The following OPRD1 variants were observed in gnomAD, a reference collection of about 807,000 sequenced individuals.
The protein encoded by OPRD1 is opioid receptor delta 1, also known as delta-type opioid receptor.
In OPRD1, 19 loss-of-function variants were observed where a neutral mutation model predicts 17.5. That is an observed-to-expected ratio of 1.09 (90% CI 0.76 to 1.60). The LOEUF (loss-of-function observed/expected upper bound fraction) is 1.60, where lower values mean the gene tolerates loss of function less well. OPRD1 is among the 40% of genes most tolerant of loss of function. The probability of loss-of-function intolerance (pLI) is 0.00; values close to 1 mark genes in which losing one functional copy is unlikely to be tolerated. For synonymous variants in OPRD1, 256 were observed against 240.9 expected (o/e 1.06, Z -0.58); for missense variants, 483 against 547.2 (o/e 0.88, Z 1.17).
At chr1:28,815,862 G>A (rs1401938834) in intron 1 of OPRD1, among the ~76,000 whole-genome samples, 2 of 152,164 alleles carry the variant, frequency 1.3e-5, no homozygotes, top group Admixed American at 1.3e-4. Flanking sequence ...AGACCCTTGG[G>A]GAAGGAAAGC....
At chr1:28,854,506 C>T (rs1055410444) in intron 1 of OPRD1, among the ~76,000 whole-genome samples, 24 of 152,180 alleles carry the variant, frequency 1.6e-4, no homozygotes, top group African/African-American at 2.9e-4. Context: ...CAGGCGTGAG[C>T]CACCATACCT....
chr1:28,853,653 G>C (rs955751578), intron 1 of OPRD1, among the ~76,000 whole-genome samples: 3 of 152,154 alleles, frequency 2.0e-5, no homozygotes, highest in Non-Finnish European at 2.9e-5. Context: ...AGAGAGCAAG[G>C]ATGGGTAGAG....
At chr1:28,857,950 G>A (rs2089072041) in intron 1 of OPRD1, among the ~76,000 whole-genome samples, 1 of 151,306 alleles carries the variant, frequency 6.6e-6, no homozygotes, top group African/African-American at 2.4e-5. Flanking sequence ...GCACCACTAC[G>A]CCCAGCTAAT....
intron 1 of OPRD1, among the ~76,000 whole-genome samples, chr1:28,846,913 TTC>T (rs1460312117): frequency 1.3e-5 from 2 of 148,542 alleles, no homozygotes; most frequent in East Asian, 2.0e-4. Flanking sequence ...TTCTTTTTCT[TTC>T]TTTCTTTCTT....
In OPRD1 at chr1:28,812,517, C is replaced by G; in HGVS notation, c.134C>G (p.Ser45Cys). 2 of 1,578,346 alleles carry G rather than the reference C, an allele frequency of 1.3e-6. No homozygotes were observed. Among genetic ancestry groups the G allele is most frequent in the Non-Finnish European group, 1.7e-6 (2 of 1,170,112 alleles). The change falls in exon 1 of 3, where the codon TCC (serine) becomes TGC (cysteine). Residue 45 changes from serine (S) to cysteine (C), a missense_variant. Transcript: ENST00000234961. Reference protein sequence around the residue: ...SGPPGARSASSLALAIAITAL... With the variant: ...SGPPGARSASCLALAIAITAL... Reference sequence around the variant, plus strand: ...CCGCCAGGCGCGCGGAGCGCCTCGTCCCTCGCCCTGGCAATCGCCATCACC... The same window carrying G: ...CCGCCAGGCGCGCGGAGCGCCTCGTGCCTCGCCCTGGCAATCGCCATCACC...
intron 1 of OPRD1, among the ~76,000 whole-genome samples, chr1:28,842,431 T>C (rs760677932): frequency 3.9e-5 from 6 of 152,210 alleles, no homozygotes; most frequent in African/African-American, 7.2e-5. Context: ...AGCACTTGGG[T>C]ATTCAGTTGA....
At chr1:28,818,160 C>T (rs933961009) in intron 1 of OPRD1, among the ~76,000 whole-genome samples, 1 of 152,198 alleles carries the variant, frequency 6.6e-6, no homozygotes, top group African/African-American at 2.4e-5. Flanking sequence ...GGGCAGAGTG[C>T]AGGTGGGCTG....
intron 1 of OPRD1, among the ~76,000 whole-genome samples, chr1:28,840,220 G>A (rs570678668): frequency 2.6e-5 from 4 of 152,120 alleles, no homozygotes; most frequent in South Asian, 2.1e-4. Context: ...TAGGCTCTTC[G>A]TGATAGCCAA....
intron 2 of OPRD1, among the ~76,000 whole-genome samples, chr1:28,859,536 G>A (rs1037877556): frequency 6.6e-6 from 1 of 152,362 alleles, no homozygotes; most frequent in African/African-American, 2.4e-5. Context: ...GTTGACTATT[G>A]TGAAGATGAA....
chr1:28,859,288 G>A lies in OPRD1; in HGVS notation c.562G>A (p.Val188Met). 6.2e-7 allele frequency: 1 copy of A among 1,613,082 alleles called. No homozygotes were observed. Among genetic ancestry groups the A allele is most frequent in the South Asian group, 1.1e-5 (1 of 91,016 alleles). Reference protein sequence around the residue: ...GVGVPIMVMAVTRPRDGAVVC... With the variant: ...GVGVPIMVMAMTRPRDGAVVC... ...TGGCGTGCCCATCATGGTCATGGCT[G>A]TGACCCGTCCCCGGGGTGAGTGAGT... The change falls in exon 2 of 3, where the codon GTG becomes ATG. Residue 188 changes from valine (V) to methionine (M), a missense_variant. Val to Met is a conservative substitution (Grantham distance 21, BLOSUM62 1). Coordinates refer to ENST00000234961, the MANE Select transcript of OPRD1 (RefSeq NM_000911.4).
In OPRD1 at chr1:28,818,742, G is replaced by C. The variant is rs542154574; in HGVS notation, c.227+6132G>C. 6.8e-4 allele frequency among the ~76,000 whole-genome samples: 103 copies of C among 152,256 alleles called. No homozygotes were observed. In the South Asian group the frequency reaches 0.02, roughly 29 times the overall value. On this transcript the variant is annotated intron_variant, in intron 1 of 2. Coordinates refer to ENST00000234961, the MANE Select transcript of OPRD1 (RefSeq NM_000911.4). ...CATGATTCCTGAGGAGATACACCTGGTAGAGTAGCCCCAGGTAATTGGAGG... is the reference window on the plus strand; with the variant it reads ...CATGATTCCTGAGGAGATACACCTGCTAGAGTAGCCCCAGGTAATTGGAGG...
At chr1:28,859,451 T>G in intron 2 of OPRD1, 148 bp downstream of exon 2, 1 of 701,392 alleles carries the variant, frequency 1.4e-6, no homozygotes, top group Non-Finnish European at 2.3e-6. Flanking sequence ...GATGGTGTGG[T>G]GGCTGGCCAG....
At chr1:28,843,157 A>T (rs2088908846) in intron 1 of OPRD1, among the ~76,000 whole-genome samples, 1 of 152,150 alleles carries the variant, frequency 6.6e-6, no homozygotes, top group Non-Finnish European at 1.5e-5. Context: ...AAGATCACTG[A>T]GCTATGTATG....
chr1:28,854,392 AATT>A (rs1194589931), intron 1 of OPRD1, among the ~76,000 whole-genome samples: 1 of 150,140 alleles, frequency 6.7e-6, no homozygotes, highest in African/African-American at 2.5e-5. Flanking sequence ...ATGCCCAACT[AATT>A]TTTTTTTTTT....
chr1:28,816,037 T>C (rs2088669591), intron 1 of OPRD1, among the ~76,000 whole-genome samples: 1 of 152,182 alleles, frequency 6.6e-6, no homozygotes, highest in Non-Finnish European at 1.5e-5. Flanking sequence ...TTAAGTGGCA[T>C]AATGTGTGAT....
intron 1 of OPRD1, among the ~76,000 whole-genome samples, chr1:28,836,807 A>G (rs992521993): frequency 7.2e-5 from 11 of 152,080 alleles, no homozygotes; most frequent in African/African-American, 2.4e-4. Context: ...GGCTCAAGCA[A>G]TCCCAAGTAG....
chr1:28,840,276 TAG>T (rs2088884838), intron 1 of OPRD1, among the ~76,000 whole-genome samples: 1 of 152,038 alleles, frequency 6.6e-6, no homozygotes, highest in African/African-American at 2.4e-5. Context: ...ATATATGAGA[TAG>T]AGTCTCGCTC....
At chr1:28,846,885 TCTTTCTTTTC>T (rs1398635231) in intron 1 of OPRD1, among the ~76,000 whole-genome samples, 69 of 57,396 alleles carry the variant, frequency 1.2e-3, no homozygotes, top group African/African-American at 2.6e-3. Context: ...TTTCTTTCTT[TCTTTCTTTTC>T]TCTTTCTTTC....
intron 1 of OPRD1, among the ~76,000 whole-genome samples, chr1:28,819,284 C>CA (rs540367377): frequency 0.043 from 6,233 of 146,550 alleles, 425 homozygotes; most frequent in African/African-American, 0.15. Context: ...GACCCCATTT[C>CA]AAAAAAAAAA....
Sources: gnomAD v4.1 joint callset for allele counts (sites outside exome capture counted in the v4.1 genomes callset) on GRCh38, gnomAD v4.1.1 for gene constraint, MANE v1.5 for transcripts, NCBI Gene and HGNC (gene_info 2026-07-23, HGNC 2026-07-21) for gene names.